SERPINI2: variants seen among roughly 807,000 people sequenced by gnomAD.
SERPINI2 encodes the protein serpin I2.
In SERPINI2, 48 loss-of-function variants were observed where a neutral mutation model predicts 47.3. The ratio of observed to expected loss-of-function variants is 1.02; its 90% CI spans 0.81 to 1.29. The LOEUF (loss-of-function observed/expected upper bound fraction) is 1.29, where lower values mean the gene tolerates loss of function less well. Among genes scored for constraint, SERPINI2 ranks in the 50% most tolerant of loss-of-function variants. The pLI is 0.00. For missense variants in SERPINI2, 448 were observed against 456.9 expected (o/e 0.98, Z 0.18); for synonymous variants, 135 against 149.3 (o/e 0.90, Z 0.70).
chr3:167,468,346 T>C lies in SERPINI2; in HGVS notation c.248-1061A>G, dbSNP rs1750206177. Among the ~76,000 whole-genome samples, 3 of 148,062 alleles carry C rather than the reference T, an allele frequency of 2.0e-5. No homozygotes were observed. The South Asian group carries it at 6.4e-4, about 32-fold the overall frequency. On this transcript the variant is annotated intron_variant, in intron 2 of 8. Transcript: ENST00000264677. ...GTGTACCTAAGCTTGTGTAAATACA[T>C]TTTTTTTTTTAAATCAGAAAGCTAG...
chr3:167,452,039 C>T (rs75152801), intron 6 of SERPINI2, among the ~76,000 whole-genome samples: 8,815 of 152,180 alleles, frequency 0.058, 807 homozygotes, highest in African/African-American at 0.2. Flanking sequence ...ACCTCCTCCA[C>T]CAGGAAAGTT....
exon 4 of SERPINI2, chr3:167,465,510 T>A (rs1750107339): frequency 1.9e-6 from 3 of 1,613,846 alleles, no homozygotes; most frequent in Non-Finnish European, 2.5e-6. Context: ...CCTTCATCAT[T>A]GGAATTTTGA....
chr3:167,474,339 T>G (rs990550344), upstream of SERPINI2, among the ~76,000 whole-genome samples: 2 of 151,792 alleles, frequency 1.3e-5, no homozygotes, highest in African/African-American at 4.8e-5. Context: ...GGTTGTAAAT[T>G]TGCTAGTAAT....
At chr3:167,449,741 C>T (rs1299238584) in intron 6 of SERPINI2, among the ~76,000 whole-genome samples, 7 of 152,300 alleles carry the variant, frequency 4.6e-5, no homozygotes, top group African/African-American at 1.7e-4. Context: ...GATCCACCCG[C>T]CTTGGCCTCC....
intron 5 of SERPINI2, among the ~76,000 whole-genome samples, chr3:167,455,668 G>C (rs1749767595): frequency 6.6e-6 from 1 of 151,778 alleles, no homozygotes; most frequent in Non-Finnish European, 1.5e-5. Flanking sequence ...ATAAAGAAAA[G>C]AAGTTTAATT....
At chr3:167,453,106 T>C (rs1170241407) in intron 5 of SERPINI2, 73 bp from the exon 6 acceptor site, 1 of 742,826 alleles carries the variant, frequency 1.3e-6, no homozygotes, top group Non-Finnish European at 2.3e-6. Flanking sequence ...TTTTAATGGA[T>C]GACTTAGAGG....
intron 2 of SERPINI2, among the ~76,000 whole-genome samples, chr3:167,468,702 A>G (rs1245060494): frequency 5.3e-5 from 8 of 152,196 alleles, no homozygotes; most frequent in Admixed American, 5.2e-4. Flanking sequence ...AAGGGAAGAA[A>G]GTTAAGCCAT....
intron 5 of SERPINI2, among the ~76,000 whole-genome samples, chr3:167,464,557 G>A (rs1577175986): frequency 6.6e-6 from 1 of 152,042 alleles, no homozygotes; most frequent in South Asian, 2.1e-4. Flanking sequence ...GAAATAAAAC[G>A]ACAGTATATA....
chr3:167,444,180 T>A (rs1226195304), intron 8 of SERPINI2, among the ~76,000 whole-genome samples: 1 of 152,266 alleles, frequency 6.6e-6, no homozygotes, highest in South Asian at 2.1e-4. Context: ...AATTCACTAT[T>A]TTTTCAGGAA....
chr3:167,469,777 T>C (rs1750254005), intron 2 of SERPINI2, among the ~76,000 whole-genome samples: 1 of 152,182 alleles, frequency 6.6e-6, no homozygotes, highest in African/African-American at 2.4e-5. Context: ...ATTAATATTC[T>C]TATTAATATA....
chr3:167,470,589 G>GTTTTTTTTTT (rs1750284192), intron 2 of SERPINI2, among the ~76,000 whole-genome samples: 1 of 103,112 alleles, frequency 9.7e-6, no homozygotes, highest in African/African-American at 5.2e-5. Flanking sequence ...TGGAGAAGGA[G>GTTTTTTTTTT]TCTGTTCTTT....
rs577192389 is a variant in SERPINI2, at chr3:167,443,899, T to A, written c.1142-1714A>T. On this transcript the variant is annotated intron_variant, in intron 8 of 8. Coordinates refer to ENST00000264677, the Ensembl canonical transcript of SERPINI2. ...AATAGTGAAGAATTTAGAGGCAGAC[T>A]GAAGCAAAAATGATTATTTTTTATC... is the stretch of plus-strand genomic sequence containing the variant. Among the ~76,000 whole-genome samples the A allele has an allele frequency of 6.6e-5, 10 of 152,306 alleles. No individual in the cohort carries two copies. The South Asian group carries it at 1.7e-3, about 25-fold the overall frequency.
At chr3:167,452,618 G>GT (rs35375470) in intron 6 of SERPINI2, among the ~76,000 whole-genome samples, 13,415 of 152,226 alleles carry the variant, frequency 0.088, 620 homozygotes, top group Non-Finnish European at 0.11. Context: ...ACTCAAAGTT[G>GT]TAATTCCCAT....
chr3:167,451,091 G>T (rs996456813), intron 6 of SERPINI2, among the ~76,000 whole-genome samples: 2 of 152,220 alleles, frequency 1.3e-5, no homozygotes, highest in African/African-American at 4.8e-5. Context: ...TAATATTAAT[G>T]TGATACTTTT....
At chr3:167,449,522 T>A in intron 6 of SERPINI2, 120 bp from the exon 7 acceptor site, 1 of 442,822 alleles carries the variant, frequency 2.3e-6, no homozygotes, top group Non-Finnish European at 3.7e-6. Flanking sequence ...TGAGATGGAG[T>A]CTTGCTCTGT....
chr3:167,468,345 A>T (rs1750206072), intron 2 of SERPINI2, among the ~76,000 whole-genome samples: 1 of 148,404 alleles, frequency 6.7e-6, no homozygotes, highest in Non-Finnish European at 1.5e-5. Context: ...GTGTAAATAC[A>T]TTTTTTTTTT....
intron 2 of SERPINI2, 140 bp downstream of exon 2, chr3:167,471,448 C>CA (rs1323037055): frequency 2.5e-5 from 19 of 770,108 alleles, no homozygotes; most frequent in Non-Finnish European, 3.6e-5. Context: ...ATTACATTTA[C>CA]AATTCTCCAT....
intron 1 of SERPINI2, among the ~76,000 whole-genome samples, chr3:167,472,123 C>A (rs112228099): frequency 3.9e-5 from 6 of 152,146 alleles, no homozygotes; most frequent in African/African-American, 1.4e-4. Flanking sequence ...TTATCAATGG[C>A]AATGGTATCT....
chr3:167,449,182 C>A, intron 7 of SERPINI2, 134 bp downstream of exon 7: 1 of 664,854 alleles, frequency 1.5e-6, no homozygotes, highest in Non-Finnish European at 2.6e-6. Flanking sequence ...CAACCATTTC[C>A]TTTTTTTCCT....
Sources: gnomAD v4.1 joint callset for allele counts (sites outside exome capture counted in the v4.1 genomes callset) on GRCh38, gnomAD v4.1.1 for gene constraint, MANE v1.5 for transcripts, NCBI Gene and HGNC (gene_info 2026-07-23, HGNC 2026-07-21) for gene names.